BRF1: variants seen among roughly 807,000 people sequenced by gnomAD.
BRF1 encodes BRF1 general transcription factor IIIB subunit.
In BRF1, 59 loss-of-function variants were observed where a neutral mutation model predicts 81.7. The observed-to-expected ratio is 0.72, with a 90% CI of 0.59 to 0.90. The LOEUF is 0.90. Among genes scored for constraint, BRF1 ranks in the 40% least tolerant of loss-of-function variants. The pLI is 0.00. For missense variants in BRF1, 1,050 were observed against 936.3 expected (o/e 1.12, Z -1.58); for synonymous variants, 491 against 395.6 (o/e 1.24, Z -2.86).
chr14:105,217,058 T>C (rs1183246314), intron 15 of BRF1, among the ~76,000 whole-genome samples: 1 of 152,222 alleles, frequency 6.6e-6, no homozygotes, highest in African/African-American at 2.4e-5. Flanking sequence ...CTCGTGACCC[T>C]GTGCGCTGAG....
At position 105,212,280 on chromosome 14, in the gene BRF1, T is replaced by C. The variant is rs1335739791; in HGVS notation, c.1773-116A>G. On this transcript the variant is annotated intron_variant, in intron 15 of 17. Transcript: ENST00000547530. ...GTTAATTGACTGTTTCTCTGTCCCT[T>C]TGGAAGCCTGGTTCTGCGTCCAGGT... is the stretch of plus-strand genomic sequence containing the variant. 23 of 1,383,142 alleles carry C rather than the reference T, an allele frequency of 1.7e-5. No homozygotes were observed. The East Asian group carries it at 5.0e-4, about 30-fold the overall frequency. 85.7% of individuals were successfully genotyped at this position (1,383,142 alleles called of 1,614,324 possible).
rs771437051 is a variant in BRF1, at chr14:105,226,675, G to T, written c.874C>A (p.Pro292Thr). The change falls in exon 8 of 18, where the codon CCC (proline) becomes ACC (threonine). Residue 292 changes from proline (P) to threonine (T), a missense_variant. Physicochemically the swap from Pro to Thr is conservative, Grantham distance 38. This residue lies in a region of BRF1 where 1,043 missense variants were observed against 915.4 expected (regional missense o/e 1.14). Transcript: ENST00000547530. Reference protein sequence around the residue: ...KIDLEEECDPPSYTAGQRKLR... With the variant: ...KIDLEEECDPTSYTAGQRKLR... ...TTCCTCTGCCCAGCTGTGTACGAGG[G>T]GGGGTCGCACTCCTCCTCCAGGTCG... is the stretch of plus-strand genomic sequence containing the variant. 1 of 1,613,550 alleles carries T rather than the reference G, an allele frequency of 6.2e-7. No homozygotes were observed. Among genetic ancestry groups the T allele is most frequent in the Non-Finnish European group, 8.5e-7 (1 of 1,180,026 alleles).
At chr14:105,219,419 G>A in intron 12 of BRF1, 187 bp from the exon 13 acceptor site, 1 of 1,336,502 alleles carries the variant, frequency 7.5e-7, no homozygotes, top group African/African-American at 1.5e-5. Context: ...GTTGCTCTGT[G>A]GCCTGTCCCA....
chr14:105,209,306 A>G lies in BRF1; in HGVS notation c.*1245T>C, dbSNP rs939166063. Reference sequence around the variant, plus strand: ...GGCAATTTCTGTTAAGTAACAACAGATCTTCCTGCTTTACTAAATCTATTC... The same window carrying G: ...GGCAATTTCTGTTAAGTAACAACAGGTCTTCCTGCTTTACTAAATCTATTC... On this transcript the variant is annotated 3_prime_UTR_variant, in exon 18 of 18. Coordinates refer to ENST00000547530, the MANE Select transcript of BRF1 (RefSeq NM_001519.4). 9 of 527,818 alleles carry G rather than the reference A, an allele frequency of 1.7e-5. No individual in the cohort carries two copies. The highest frequency in any genetic ancestry group is 3.1e-5 in the Non-Finnish European group (9 of 293,834). The allele number at this position is 527,818 out of a possible 1,614,324, so 32.7% of individuals were successfully genotyped here.
intron 5 of BRF1, chr14:105,248,952 A>G: frequency 1.0e-6 from 1 of 980,522 alleles, no homozygotes; most frequent in Non-Finnish European, 1.2e-6. Flanking sequence ...CGTGGGCAGG[A>G]AGGCCGGGCC....
At chr14:105,241,182 C>G (rs1307434812) in intron 6 of BRF1, 83 bp downstream of exon 6, 39 of 1,565,064 alleles carry the variant, frequency 2.5e-5, no homozygotes, top group Non-Finnish European at 3.2e-5. Flanking sequence ...ACATACGGCC[C>G]AGCCCACCAG....
Position 105,271,844 on chromosome 14 carries a change from C to T in BRF1, c.439+877G>A, listed in dbSNP as rs113291192. Among the ~76,000 whole-genome samples, 30,012 of 139,536 alleles carry T rather than the reference C, an allele frequency of 0.22. 3,544 individuals are homozygous for T. Among genetic ancestry groups the T allele is most frequent in the Middle Eastern group, 0.27 (71 of 266 alleles). The allele number at this position is 139,536 out of a possible 152,430, so 91.5% of individuals were successfully genotyped here. A position where few individuals can be genotyped will look rare whatever the true frequency, so the allele number is the denominator to read the frequency against. On this transcript the variant is annotated intron_variant, in intron 3 of 17. Coordinates refer to ENST00000547530, the MANE Select transcript of BRF1 (RefSeq NM_001519.4). This position sits in a 1 kb window ranked among gnomAD's most constrained non-coding sequence, Gnocchi z 5.5. ...ACACCGCTGAGGGTCGGCAGCCTCC[C>T]CGCCCACCGCCTGCAGTCACGGTGT...
chr14:105,249,437 C>T (rs747907395), intron 5 of BRF1: 5 of 1,613,444 alleles, frequency 3.1e-6, no homozygotes, highest in East Asian at 2.2e-5. Flanking sequence ...CTGAAATTCA[C>T]ATTCCAGACG....
At chr14:105,245,865 T>C (rs1042253227) in intron 5 of BRF1, among the ~76,000 whole-genome samples, 3 of 152,158 alleles carry the variant, frequency 2.0e-5, no homozygotes, top group Non-Finnish European at 4.4e-5. Flanking sequence ...GTCTTGGCAA[T>C]GATTTCTTGA....
chr14:105,283,123 G>T (rs953913372), intron 2 of BRF1, among the ~76,000 whole-genome samples: 3 of 152,180 alleles, frequency 2.0e-5, no homozygotes, highest in Non-Finnish European at 4.4e-5. Flanking sequence ...CAGCAAGGAG[G>T]TACGGCGGGC....
chr14:105,269,645 GGCTAAA>G lies in BRF1; in HGVS notation c.439+3070_439+3075del. On this transcript the variant is annotated intron_variant, in intron 3 of 17. Coordinates refer to ENST00000547530, the MANE Select transcript of BRF1 (RefSeq NM_001519.4). This position sits in a 1 kb window ranked among gnomAD's most constrained non-coding sequence, Gnocchi z 5.0. ...TCGCTGGAGCGTGTGGGAACTTTGT[GGCTAAA>G]GGTGGTCCTGCCAGACTCAGAGGCA... is the stretch of plus-strand genomic sequence containing the variant. Among the ~76,000 whole-genome samples, 1 of 152,256 alleles carries G rather than the reference GGCTAAA, an allele frequency of 6.6e-6. No individual in the cohort carries two copies. The highest frequency in any genetic ancestry group is 2.1e-4 in the South Asian group (1 of 4,832).
At chr14:105,282,187 C>T (rs1238411038) in intron 2 of BRF1, among the ~76,000 whole-genome samples, 1 of 152,208 alleles carries the variant, frequency 6.6e-6, no homozygotes, top group Non-Finnish European at 1.5e-5. Context: ...TGGCAACCAT[C>T]CCAGGGGGAA....
At chr14:105,219,770 G>T in intron 12 of BRF1, 1 of 516,354 alleles carries the variant, frequency 1.9e-6, no homozygotes, top group Non-Finnish European at 3.5e-6. Flanking sequence ...GACCCCTCGA[G>T]GGGCTGCCCC....
chr14:105,300,501 G>T lies in BRF1; in HGVS notation c.129C>A (p.Phe43Leu). ...EDNIIVSEVQ[F>L]VESSGGGSSA... The stretch of plus-strand genomic sequence containing the variant: ...AGGAGCCGCCGCCGCTGCTCTCCAC[G>T]AACTGCACCTCGGACACGATGATGT... The change falls in exon 1 of 18, where the codon TTC becomes TTA. Residue 43 changes from phenylalanine to leucine, a missense_variant. Phe to Leu is a conservative substitution (Grantham distance 22, BLOSUM62 0). Transcript: ENST00000547530. 6.5e-7 allele frequency: 1 copy of T among 1,537,424 alleles called. No homozygotes were observed. Among genetic ancestry groups the T allele is most frequent in the Middle Eastern group, 2.0e-4 (1 of 5,126 alleles).
intron 3 of BRF1, among the ~76,000 whole-genome samples, chr14:105,261,683 G>C (rs918627710): frequency 6.6e-6 from 1 of 152,234 alleles, no homozygotes; most frequent in Admixed American, 6.5e-5. Flanking sequence ...AGAGAGAAGC[G>C]AGGGAAAGTG....
chr14:105,313,344 C>T (rs2140721750), intron 1 of BRF1, among the ~76,000 whole-genome samples: 1 of 152,334 alleles, frequency 6.6e-6, no homozygotes, highest in South Asian at 2.1e-4. Flanking sequence ...TCACTTCTCC[C>T]CCTACCCTGT....
At chr14:105,287,506 C>CAG (rs10638535) in intron 1 of BRF1, among the ~76,000 whole-genome samples, 43,713 of 152,024 alleles carry the variant, frequency 0.29, 6,500 homozygotes, top group African/African-American at 0.31. Context: ...CTGCTGCAAT[C>CAG]GGGACGCGCA....
At chr14:105,219,833 A>T in intron 12 of BRF1, 1 of 579,632 alleles carries the variant, frequency 1.7e-6, no homozygotes, top group South Asian at 2.0e-5. Flanking sequence ...CGAGGGCCGC[A>T]AGGACCAGGC....
chr14:105,290,883 C>T (rs1257642341), intron 1 of BRF1, among the ~76,000 whole-genome samples: 4 of 151,928 alleles, frequency 2.6e-5, no homozygotes, highest in African/African-American at 7.3e-5. Flanking sequence ...TTCTGCTTGC[C>T]TCACACCCTG....
Sources: gnomAD v4.1 joint callset for allele counts (sites outside exome capture counted in the v4.1 genomes callset) on GRCh38, gnomAD v4.1.1 for gene constraint, gnomAD v4.1.1 regional missense constraint, Gnocchi (gnomAD v3.1) non-coding constraint, MANE v1.5 for transcripts, NCBI Gene and HGNC (gene_info 2026-07-23, HGNC 2026-07-21) for gene names.